The following KDM1B variants were observed in gnomAD, a reference collection of about 807,000 sequenced individuals.
The protein encoded by KDM1B is lysine demethylase 1B.
A neutral mutation model predicts 107.4 loss-of-function variants in KDM1B; 63 were observed. The observed-to-expected ratio is 0.59, with a 90% CI of 0.48 to 0.72. KDM1B has a LOEUF of 0.72. Among genes scored for constraint, KDM1B ranks in the 30% least tolerant of loss-of-function variants. The pLI is 0.00. For missense variants in KDM1B, 749 were observed against 1,020.8 expected (o/e 0.73, Z 3.63); for synonymous variants, 363 against 363.9 (o/e 1.00, Z 0.03).
At chr6:18,169,809 A>T (rs957169684) in intron 6 of KDM1B, among the ~76,000 whole-genome samples, 1 of 152,100 alleles carries the variant, frequency 6.6e-6, no homozygotes, top group Non-Finnish European at 1.5e-5. Flanking sequence ...TAATATTTGT[A>T]TATGTGTAAA....
At chr6:18,220,435 GC>G (rs1381163022) in intron 21 of KDM1B, among the ~76,000 whole-genome samples, 1 of 152,164 alleles carries the variant, frequency 6.6e-6, no homozygotes, top group Admixed American at 6.5e-5. Context: ...TGTAATCCCA[GC>G]GACTCAGGAG....
Position 18,204,201 on chromosome 6 carries a change from ACT to A in KDM1B, c.1532-1333_1532-1332del, listed in dbSNP as rs1193176595. ...GCTTCTAGTCAGAGAAGTGTGTGAC[ACT>A]CTGTTAAACTTGGGATTACACCTGT... On this transcript the variant is annotated intron_variant, in intron 14 of 21. Transcript: ENST00000650836. The surrounding 1 kb of genome is among the most constrained non-coding windows in gnomAD (Gnocchi z 4.9). Among the ~76,000 whole-genome samples the A allele has an allele frequency of 6.6e-6, 1 of 151,994 alleles. No homozygotes were observed. Among genetic ancestry groups the A allele is most frequent in the East Asian group, 1.9e-4 (1 of 5,172 alleles).
At chr6:18,177,312 T>G (rs1021464611) in intron 7 of KDM1B, among the ~76,000 whole-genome samples, 1 of 152,070 alleles carries the variant, frequency 6.6e-6, no homozygotes, top group African/African-American at 2.4e-5. Context: ...AGTTGTAATA[T>G]CTTTTTTTTT....
rs1788276102 is a variant in KDM1B, at chr6:18,204,957, C to G, written c.1532-580C>G. Among the ~76,000 whole-genome samples the G allele has an allele frequency of 6.6e-6, 1 of 152,178 alleles. No individual in the cohort carries two copies. The highest frequency in any genetic ancestry group is 2.4e-5 in the African/African-American group (1 of 41,442). ...GAAAGATTAAAATGTGCTAGCTTTG[C>G]CTGGCTGTGGTTGGGGAATTTATTA... On this transcript the variant is annotated intron_variant, in intron 14 of 21. Coordinates refer to ENST00000650836, the MANE Select transcript of KDM1B (RefSeq NM_001364614.2). The surrounding 1 kb of genome is among the most constrained non-coding windows in gnomAD (Gnocchi z 4.9).
At position 18,214,675 on chromosome 6, in the gene KDM1B, C is replaced by T. The variant is rs1193273359; in HGVS notation, c.2110-332C>T. Among the ~76,000 whole-genome samples the T allele has an allele frequency of 6.6e-6, 1 of 152,036 alleles. No individual in the cohort carries two copies. Among genetic ancestry groups the T allele is most frequent in the African/African-American group, 2.4e-5 (1 of 41,396 alleles). On this transcript the variant is annotated intron_variant, in intron 19 of 21. Transcript: ENST00000650836. This position sits in a 1 kb window ranked among gnomAD's most constrained non-coding sequence, Gnocchi z 4.4. ...CTGTAATCCCAGCACTTTGGGAGGC[C>T]GAGGTGGGTGGATCACCTGAGGTCA...
At chr6:18,202,254 G>A (rs2150981093) in intron 14 of KDM1B, among the ~76,000 whole-genome samples, 1 of 151,354 alleles carries the variant, frequency 6.6e-6, no homozygotes, top group African/African-American at 2.4e-5. Flanking sequence ...AGGGCGGGGG[G>A]CAAGCATGGT....
rs184750693 is a variant in KDM1B at position 18,156,911 on chromosome 6, C to T, written c.-14+985C>T. The stretch of plus-strand genomic sequence containing the variant: ...CAGCCTGAGCCACGGAGGAAGACTC[C>T]GTCTCAAAAAAAAGAAAAAATCTTT... On this transcript the variant is annotated intron_variant, in intron 2 of 21. Coordinates refer to ENST00000650836, the MANE Select transcript of KDM1B (RefSeq NM_001364614.2). Among the ~76,000 whole-genome samples, 600 of 151,862 alleles carry T rather than the reference C, an allele frequency of 4.0e-3. 6 individuals carry two copies. The highest frequency in any genetic ancestry group is 0.013 in the African/African-American group (556 of 41,372).
intron 17 of KDM1B, among the ~76,000 whole-genome samples, chr6:18,210,656 T>C (rs1788797999): frequency 6.6e-6 from 1 of 152,078 alleles, no homozygotes; most frequent in Non-Finnish European, 1.5e-5. Flanking sequence ...CCACTGCACC[T>C]GGGCTACTCA....
Position 18,174,564 on chromosome 6 carries a change from G to A in KDM1B, c.534+3085G>A, listed in dbSNP as rs145942251. On this transcript the variant is annotated intron_variant, in intron 7 of 21. Transcript: ENST00000650836. ...GTGAAATTTGGTGCACCCATCACCC[G>A]AGCAGTATACACTGCACCCTGTTTG... Among the ~76,000 whole-genome samples the A allele has an allele frequency of 1.3e-3, 200 of 152,050 alleles. 4 individuals carry two copies. The highest frequency in any genetic ancestry group is 4.6e-3 in the African/African-American group (190 of 41,488).
chr6:18,217,488 C>G lies in KDM1B; in HGVS notation c.2233-245C>G, dbSNP rs185448638. ...CCGCCTCCTGGGTTCACGCCATTCT[C>G]CTGACTCAGCCTCCCGAGTAGCTGG... On this transcript the variant is annotated intron_variant, in intron 20 of 21. Transcript: ENST00000650836. 6.6e-5 allele frequency among the ~76,000 whole-genome samples: 10 copies of G among 151,688 alleles called. No individual in the cohort carries two copies. In the East Asian group the frequency reaches 1.9e-3, roughly 29 times the overall value.
At chr6:18,216,568 G>A (rs763144005) in intron 20 of KDM1B, among the ~76,000 whole-genome samples, 2 of 152,136 alleles carry the variant, frequency 1.3e-5, no homozygotes, top group African/African-American at 4.8e-5. Context: ...TCTTACTCGA[G>A]GCTTTGCTTT....
chr6:18,188,931 A>G (rs764499208), intron 9 of KDM1B, among the ~76,000 whole-genome samples: 6 of 151,992 alleles, frequency 3.9e-5, no homozygotes, highest in Non-Finnish European at 7.4e-5. Flanking sequence ...TTACAAGCGC[A>G]TGCTACCACA....
At chr6:18,218,031 C>T (rs953662831) in intron 21 of KDM1B, 146 bp downstream of exon 21, 2 of 811,536 alleles carry the variant, frequency 2.5e-6, no homozygotes, top group African/African-American at 1.7e-5. Context: ...TCACCATCCT[C>T]TTGCTCCCAG....
At chr6:18,185,082 A>G (rs1786765086) in intron 7 of KDM1B, among the ~76,000 whole-genome samples, 1 of 152,094 alleles carries the variant, frequency 6.6e-6, no homozygotes, top group Non-Finnish European at 1.5e-5. Flanking sequence ...ATTTTGTAAT[A>G]CTTTTGTTGG....
Position 18,203,835 on chromosome 6 carries a change from A to G in KDM1B, c.1532-1702A>G, listed in dbSNP as rs992925685. On this transcript the variant is annotated intron_variant, in intron 14 of 21. Transcript: ENST00000650836. This position sits in a 1 kb window ranked among gnomAD's most constrained non-coding sequence, Gnocchi z 5.5. ...GCCATTGCACTTCAGTCTTGATGAC[A>G]AGCGAAACTCCGTCTCCAAAAAAAA... 1.4e-5 allele frequency among the ~76,000 whole-genome samples: 2 copies of G among 139,350 alleles called. No homozygotes were observed. Among genetic ancestry groups the G allele is most frequent in the Non-Finnish European group, 3.1e-5 (2 of 65,506 alleles). 91.4% of individuals were successfully genotyped at this position (139,350 alleles called of 152,430 possible). A position where few individuals can be genotyped will look rare whatever the true frequency, so the allele number is the denominator to read the frequency against.
chr6:18,212,422 A>G lies in KDM1B; in HGVS notation c.1867-66A>G, dbSNP rs1788913733. The G allele has an allele frequency of 1.1e-5, 10 of 928,134 alleles. No individual in the cohort carries two copies. In the South Asian group the frequency reaches 1.3e-4, roughly 12 times the overall value. The allele number at this position is 928,134 out of a possible 1,614,324, so 57.5% of individuals were successfully genotyped here. ...CAGTATAACAGCATGGGTTGTTGAT[A>G]CCAGTGTAGTGGTAGTGTGAGGTTC... On this transcript the variant is annotated intron_variant, in intron 17 of 21. Transcript: ENST00000650836. The surrounding 1 kb of genome is among the most constrained non-coding windows in gnomAD (Gnocchi z 5.2).
rs772423859 is a variant in KDM1B at position 18,222,088 on chromosome 6, C to T, written c.*96C>T. The T allele has an allele frequency of 9.2e-7, 1 of 1,081,210 alleles. No homozygotes were observed. The highest frequency in any genetic ancestry group is 1.4e-6 in the Non-Finnish European group (1 of 696,344). 67.0% of individuals were successfully genotyped at this position (1,081,210 alleles called of 1,614,324 possible). On this transcript the variant is annotated 3_prime_UTR_variant, in exon 22 of 22. Transcript: ENST00000650836. ...TTATAAGAGGGGGAAAAAACCGTCT[C>T]TACATAGTAAAACTGAAATGTTTCT...
intron 16 of KDM1B, 66 bp downstream of exon 16, chr6:18,207,595 G>A: frequency 1.3e-6 from 2 of 1,594,980 alleles, no homozygotes; most frequent in Non-Finnish European, 8.6e-7. Flanking sequence ...TTCTGGGCAT[G>A]CGGCTCACGC....
intron 7 of KDM1B, among the ~76,000 whole-genome samples, chr6:18,174,738 C>T (rs1003516862): frequency 2.6e-5 from 4 of 152,168 alleles, no homozygotes; most frequent in African/African-American, 9.7e-5. Context: ...TGAGTTACTT[C>T]ACTTAGAATA....
Sources: gnomAD v4.1 joint callset for allele counts (sites outside exome capture counted in the v4.1 genomes callset) on GRCh38, gnomAD v4.1.1 for gene constraint, Gnocchi (gnomAD v3.1) non-coding constraint, MANE v1.5 for transcripts, NCBI Gene and HGNC (gene_info 2026-07-23, HGNC 2026-07-21) for gene names.